The following SPEN variants were observed in gnomAD, a reference collection of about 807,000 sequenced individuals.
SPEN encodes spen family transcriptional repressor, also known as msx2-interacting protein.
Under a neutral mutation model 269.9 loss-of-function variants are expected in SPEN, and 18 were observed. That is an observed-to-expected ratio of 0.07 (90% confidence interval 0.05 to 0.10). The LOEUF (loss-of-function observed/expected upper bound fraction) is 0.10. Ranked by LOEUF, SPEN falls within the 10% of genes least tolerant of loss-of-function variation. SPEN has a pLI of 1.00. For synonymous variants in SPEN, 1,726 were observed against 1,765.7 expected, an observed-to-expected ratio of 0.98 and a Z score of 0.56; for missense variants, 3,822 against 4,631.2, an observed-to-expected ratio of 0.83 and a Z score of 5.07.
Position 15,872,986 on chromosome 1 carries a change from C to T in SPEN, c.254C>T (p.Pro85Leu), listed in dbSNP as rs764932472. The change falls in exon 2 of 15, where the codon CCG (proline) becomes CTG (leucine). Residue 85 changes from proline (P) to leucine (L), a missense_variant. By Grantham distance (98) the Pro-to-Leu change is moderately conservative (BLOSUM62 -3). Transcript: ENST00000375759. ...RTDYNEPGTI[P>L]SAARGLDDTV... Reference sequence around the variant, plus strand: ...GATTATAATGAACCAGGCACCATCCCGAGTGCTGCTCGGGGATTGGATGAT... The same window carrying T: ...GATTATAATGAACCAGGCACCATCCTGAGTGCTGCTCGGGGATTGGATGAT... 5 of 1,613,922 alleles carry T rather than the reference C, an allele frequency of 3.1e-6. No homozygotes were observed. The highest frequency in any genetic ancestry group is 4.2e-6 in the Non-Finnish European group (5 of 1,180,018).
intron 3 of SPEN, among the ~76,000 whole-genome samples, chr1:15,883,807 C>CTTTTT (rs36018800): frequency 1.4e-5 from 1 of 69,548 alleles, no homozygotes; most frequent in African/African-American, 4.8e-5. Context: ...ATTTAAGATT[C>CTTTTT]TTTTTTTTTT....
At position 15,928,331 on chromosome 1, in the gene SPEN, C is replaced by T; in HGVS notation, c.2091C>T (p.Tyr697=). 1.2e-6 allele frequency: 2 copies of T among 1,614,196 alleles called. No homozygotes were observed. The highest frequency in any genetic ancestry group is 1.1e-5 in the South Asian group (1 of 91,078). ...PYEQDIREYS[Y]RQRERERERE... The stretch of plus-strand genomic sequence containing the variant: ...AACAAGATATTAGGGAATATAGTTA[C>T]AGGCAAAGGGAACGAGAAAGAGAAC... Residue 697 remains tyrosine (Y), a synonymous_variant, in exon 11 of 15, where the codon TAC becomes TAT. Coordinates refer to ENST00000375759, the MANE Select transcript of SPEN (RefSeq NM_015001.3). This position sits in a 1 kb window ranked among gnomAD's most constrained non-coding sequence, Gnocchi z 5.7.
chr1:15,902,729 C>T (rs1437008816), intron 3 of SPEN, among the ~76,000 whole-genome samples: 2 of 152,232 alleles, frequency 1.3e-5, no homozygotes, highest in East Asian at 3.9e-4. Context: ...GCACCCAAAC[C>T]TGATTGAAAA....
chr1:15,897,108 C>A (rs1365220330), intron 3 of SPEN, among the ~76,000 whole-genome samples: 1 of 152,176 alleles, frequency 6.6e-6, no homozygotes, highest in South Asian at 2.1e-4. Flanking sequence ...GCTCTTTTCC[C>A]GTTAGAAATC....
rs778404728 is a variant in SPEN, at chr1:15,934,863, G to A, written c.8623G>A (p.Ala2875Thr). 4.3e-6 allele frequency: 7 copies of A among 1,614,140 alleles called. No individual in the cohort carries two copies. The East Asian group carries it at 1.1e-4, about 26-fold the overall frequency. ...TCCATCCAAAGGCCCTCAAGCTCCTGCAGGCTATGCGAACGTGGCCACCCA... is the reference window on the plus strand; with the variant it reads ...TCCATCCAAAGGCCCTCAAGCTCCTACAGGCTATGCGAACGTGGCCACCCA... ...QPPSKGPQAPAGYANVATHST... is the reference protein window; with the variant it reads ...QPPSKGPQAPTGYANVATHST... The change falls in exon 11 of 15, where the codon GCA becomes ACA. Residue 2875 changes from alanine to threonine, a missense_variant. Around this residue, in one of 16 missense-constraint regions of SPEN, gnomAD observed 329 missense variants for 431.2 expected, o/e 0.76. Transcript: ENST00000375759. The surrounding 1 kb of genome is among the most constrained non-coding windows in gnomAD (Gnocchi z 9.2).
intron 3 of SPEN, among the ~76,000 whole-genome samples, chr1:15,890,101 A>T (rs1015578197): frequency 6.6e-6 from 1 of 152,190 alleles, no homozygotes; most frequent in African/African-American, 2.4e-5. Flanking sequence ...ATAGCTTTAA[A>T]AATGTCTTTG....
At chr1:15,878,836 C>G (rs1393305727) in intron 3 of SPEN, among the ~76,000 whole-genome samples, 2 of 150,858 alleles carry the variant, frequency 1.3e-5, no homozygotes, top group Admixed American at 6.6e-5. Flanking sequence ...ATGGTGAAAC[C>G]CTGTCTCTAC....
intron 3 of SPEN, among the ~76,000 whole-genome samples, chr1:15,888,092 A>G (rs2070753504): frequency 1.3e-5 from 2 of 150,878 alleles, no homozygotes; most frequent in South Asian, 2.1e-4. Flanking sequence ...TAAATAACAA[A>G]TTTTATTTTA....
chr1:15,853,642 C>G (rs1288213675), intron 1 of SPEN, among the ~76,000 whole-genome samples: 3 of 150,878 alleles, frequency 2.0e-5, no homozygotes, highest in Non-Finnish European at 4.4e-5. Flanking sequence ...TATAGGCGCA[C>G]ACCACCATGT....
At chr1:15,936,888 CTGAGA>C (rs1357412610) in intron 11 of SPEN, among the ~76,000 whole-genome samples, 1 of 152,134 alleles carries the variant, frequency 6.6e-6, no homozygotes, top group Non-Finnish European at 1.5e-5. Flanking sequence ...TTTCTTAGTT[CTGAGA>C]TGAAAGTATT....
chr1:15,902,783 A>G (rs572904181), intron 3 of SPEN, among the ~76,000 whole-genome samples: 1 of 152,352 alleles, frequency 6.6e-6, no homozygotes, highest in East Asian at 1.9e-4. Context: ...ATATGGAGAG[A>G]AAAATTATTA....
chr1:15,909,600 A>T, intron 4 of SPEN, 119 bp downstream of exon 4: 2 of 1,080,368 alleles, frequency 1.9e-6, no homozygotes, highest in Non-Finnish European at 2.7e-6. Flanking sequence ...ATTTCGAAAT[A>T]TTAACGTTTT....
intron 3 of SPEN, among the ~76,000 whole-genome samples, chr1:15,884,701 CTTTCCTTTTCCT>C (rs372105964): frequency 1.3e-5 from 2 of 150,356 alleles, no homozygotes; most frequent in Non-Finnish European, 1.5e-5. Flanking sequence ...AAGTCAATTC[CTTTCCTTTTCCT>C]TTTCCTTTTG....
In SPEN at chr1:15,930,074, C is replaced by T; in HGVS notation, c.3834C>T (p.Ser1278=). Residue 1278 remains serine (S), a synonymous_variant, in exon 11 of 15, where the codon TCC becomes TCT. Coordinates refer to ENST00000375759, the MANE Select transcript of SPEN (RefSeq NM_015001.3). The surrounding 1 kb of genome is among the most constrained non-coding windows in gnomAD (Gnocchi z 5.3). ...ATGAAGATGAGGATCCCATAGGCTC[C>T]CCTAGGCTACTGTCAGTAAAAGGGT... ...SFHEDEDPIG[S]PRLLSVKGSP... 1 of 1,614,180 alleles carries T rather than the reference C, an allele frequency of 6.2e-7. No homozygotes were observed. Among genetic ancestry groups the T allele is most frequent in the Non-Finnish European group, 8.5e-7 (1 of 1,180,036 alleles).
At chr1:15,869,217 C>T (rs563760038) in intron 1 of SPEN, among the ~76,000 whole-genome samples, 3 of 151,990 alleles carry the variant, frequency 2.0e-5, no homozygotes, top group South Asian at 4.2e-4. Flanking sequence ...CCACCACACT[C>T]GGCTAATTTT....
At position 15,909,229 on chromosome 1, in the gene SPEN, T is replaced by G. The variant is rs183765559; in HGVS notation, c.882-92T>G. On this transcript the variant is annotated intron_variant, in intron 3 of 14. Coordinates refer to ENST00000375759, the MANE Select transcript of SPEN (RefSeq NM_015001.3). ...CCTCCAGAAATTCCAGTCTGAAAAT[T>G]TAGACCTATTAGTTATTTTAAGAAG... The G allele has an allele frequency of 3.6e-6, 5 of 1,383,872 alleles. No homozygotes were observed. In the East Asian group the frequency reaches 1.1e-4, roughly 32 times the overall value. The allele number at this position is 1,383,872 out of a possible 1,614,324, so 85.7% of individuals were successfully genotyped here. A position where few individuals can be genotyped will look rare whatever the true frequency, so the allele number is the denominator to read the frequency against.
intron 10 of SPEN, among the ~76,000 whole-genome samples, chr1:15,926,955 G>A (rs2071173384): frequency 6.6e-6 from 1 of 152,140 alleles, no homozygotes; most frequent in South Asian, 2.1e-4. Context: ...GCCTCCCAAA[G>A]TGCTGGGATT....
intron 3 of SPEN, among the ~76,000 whole-genome samples, chr1:15,906,857 A>G (rs925710060): frequency 4.0e-5 from 6 of 148,162 alleles, no homozygotes; most frequent in African/African-American, 1.0e-4. Context: ...GCTCACTGCA[A>G]CCTCAAACTC....
intron 1 of SPEN, among the ~76,000 whole-genome samples, chr1:15,854,122 C>G (rs141349167): frequency 7.9e-5 from 12 of 152,134 alleles, no homozygotes; most frequent in Non-Finnish European, 1.0e-4. Flanking sequence ...ATTTTTAAAA[C>G]ATTTTTAGTG....
Sources: gnomAD v4.1 joint callset for allele counts (sites outside exome capture counted in the v4.1 genomes callset) on GRCh38, gnomAD v4.1.1 for gene constraint, gnomAD v4.1.1 regional missense constraint, Gnocchi (gnomAD v3.1) non-coding constraint, MANE v1.5 for transcripts, NCBI Gene and HGNC (gene_info 2026-07-23, HGNC 2026-07-21) for gene names.